Variants in TRIQK observed in about 807,000 individuals in gnomAD.
TRIQK encodes triple QxxK/R motif-containing protein.
Under a neutral mutation model 10.8 loss-of-function variants are expected in TRIQK, and 10 were observed. The observed-to-expected ratio is 0.92, with a 90% confidence interval of 0.57 to 1.57. TRIQK has a LOEUF of 1.57. Ranked by LOEUF, TRIQK falls within the 40% of genes most tolerant of loss-of-function variation. The pLI is 0.00. For synonymous variants in TRIQK, 33 were observed against 33.7 expected (o/e 0.98, Z 0.07); for missense variants, 107 against 97.7 (o/e 1.09, Z -0.40).
chr8:92,916,928 C>G lies in TRIQK; in HGVS notation c.61+1G>C. ...TGTATCAAAGATAATTCATTGCTTACCAATTTGTTTTCTGTACTGATCAAC... is the reference window on the plus strand; with the variant it reads ...TGTATCAAAGATAATTCATTGCTTAGCAATTTGTTTTCTGTACTGATCAAC... On this transcript the variant is annotated splice_donor_variant, in intron 3 of 4. Coordinates refer to ENST00000521988, the MANE Select transcript of TRIQK (RefSeq NM_001171797.2). LOFTEE classifies it high-confidence loss of function. 4 of 1,464,382 alleles carry G rather than the reference C, an allele frequency of 2.7e-6. No homozygotes were observed. The highest frequency in any genetic ancestry group is 3.6e-6 in the Non-Finnish European group (4 of 1,113,090). 90.7% of individuals were successfully genotyped at this position (1,464,382 alleles called of 1,614,324 possible).
chr8:92,930,186 T>C (rs1810639156), intron 2 of TRIQK, among the ~76,000 whole-genome samples: 1 of 151,258 alleles, frequency 6.6e-6, no homozygotes, highest in Non-Finnish European at 1.5e-5. Flanking sequence ...GATATCAGCC[T>C]GGCTAACATG....
chr8:93,002,043 T>C (rs1813216096), intron 1 of TRIQK, among the ~76,000 whole-genome samples: 1 of 151,656 alleles, frequency 6.6e-6, no homozygotes, highest in African/African-American at 2.4e-5. Context: ...AATGAAGAAA[T>C]TCTAAAAAAA....
rs761298351 is a variant in TRIQK, at chr8:92,958,331, G to A, written c.-180-3767C>T. Among the ~76,000 whole-genome samples, 12 of 151,900 alleles carry A rather than the reference G, an allele frequency of 7.9e-5. 1 individual carries two copies. The South Asian group carries it at 8.3e-4, about 11-fold the overall frequency. ...TCAAGACCCCATTTCAATCAATTAC[G>A]TACTTTCTCTGTACAAGTCACCTAT... On this transcript the variant is annotated intron_variant, in intron 1 of 4. Coordinates refer to ENST00000521988, the MANE Select transcript of TRIQK (RefSeq NM_001171797.2).
chr8:92,947,805 G>A (rs1811634267), intron 2 of TRIQK, among the ~76,000 whole-genome samples: 1 of 151,958 alleles, frequency 6.6e-6, no homozygotes, highest in African/African-American at 2.4e-5. Flanking sequence ...GCAGTCCAGA[G>A]GGTTATACTG....
upstream of TRIQK, among the ~76,000 whole-genome samples, chr8:92,966,403 C>G (rs1018058339): frequency 6.6e-6 from 1 of 152,204 alleles, no homozygotes; most frequent in Non-Finnish European, 1.5e-5. Flanking sequence ...ATCTCACACA[C>G]ACACACTCCC....
intron 1 of TRIQK, among the ~76,000 whole-genome samples, chr8:92,961,406 C>CAG (rs910574263): frequency 1.8e-4 from 27 of 152,152 alleles, no homozygotes; most frequent in African/African-American, 6.5e-4. Flanking sequence ...CTCCTCTGCC[C>CAG]AGAGAGATTC....
chr8:92,924,577 T>C (rs938812321), intron 2 of TRIQK, among the ~76,000 whole-genome samples: 1 of 152,110 alleles, frequency 6.6e-6, no homozygotes, highest in Non-Finnish European at 1.5e-5. Flanking sequence ...ATTCAGATCT[T>C]GCCTAACAGG....
intron 1 of TRIQK, chr8:92,963,974 A>G (rs1812593419): frequency 6.6e-6 from 1 of 152,176 alleles, no homozygotes; most frequent in Non-Finnish European, 1.5e-5. Context: ...ATACCAGAAT[A>G]TGCTTTAAGA....
intron 2 of TRIQK, among the ~76,000 whole-genome samples, chr8:92,950,136 T>C (rs1047353077): frequency 6.6e-6 from 1 of 152,186 alleles, no homozygotes; most frequent in Non-Finnish European, 1.5e-5. Flanking sequence ...ATGTATGCTA[T>C]CTTATTGTTC....
At chr8:92,915,111 GAA>G (rs2130445493) in intron 3 of TRIQK, among the ~76,000 whole-genome samples, 1 of 152,214 alleles carries the variant, frequency 6.6e-6, no homozygotes, top group South Asian at 2.1e-4. Flanking sequence ...GACAAAGAAA[GAA>G]AAATACTGCA....
At chr8:92,993,061 G>A (rs1481168419) in intron 1 of TRIQK, among the ~76,000 whole-genome samples, 1 of 152,126 alleles carries the variant, frequency 6.6e-6, no homozygotes, top group African/African-American at 2.4e-5. Flanking sequence ...CTGAATTCTA[G>A]GATCTTCTAA....
chr8:92,970,997 T>C (rs1035388227), upstream of TRIQK, among the ~76,000 whole-genome samples: 1 of 152,194 alleles, frequency 6.6e-6, no homozygotes, highest in Non-Finnish European at 1.5e-5. Flanking sequence ...GGGGTCTAGT[T>C]TCAGTTTTCT....
At chr8:92,931,566 A>G (rs1563642278) in intron 2 of TRIQK, among the ~76,000 whole-genome samples, 1 of 152,234 alleles carries the variant, frequency 6.6e-6, no homozygotes, top group Non-Finnish European at 1.5e-5. Flanking sequence ...AAAATGGATC[A>G]TAACAGAACA....
At chr8:92,931,421 A>G (rs1370742532) in intron 2 of TRIQK, among the ~76,000 whole-genome samples, 1 of 152,096 alleles carries the variant, frequency 6.6e-6, no homozygotes, top group African/African-American at 2.4e-5. Context: ...TGTCAATCTA[A>G]GAGGGGGCTT....
At chr8:92,917,141 T>C in intron 2 of TRIQK, 131 bp from the exon 3 acceptor site, 1 of 423,516 alleles carries the variant, frequency 2.4e-6, no homozygotes, top group Non-Finnish European at 4.0e-6. Context: ...CCATTAAATA[T>C]TCATAAAGAA....
intron 1 of TRIQK, among the ~76,000 whole-genome samples, chr8:92,981,485 T>C (rs279988): frequency 0.14 from 21,189 of 151,892 alleles, 1,774 homozygotes; most frequent in East Asian, 0.31. Flanking sequence ...TTTCTCACTA[T>C]GATTGTGGAT....
intron 1 of TRIQK, among the ~76,000 whole-genome samples, chr8:93,010,129 A>G (rs1444616709): frequency 6.6e-6 from 1 of 152,170 alleles, no homozygotes; most frequent in East Asian, 1.9e-4. Context: ...GGGATGGGGA[A>G]TGAGGAGAGA....
chr8:92,945,411 C>G (rs1184815930), intron 2 of TRIQK, among the ~76,000 whole-genome samples: 1 of 152,214 alleles, frequency 6.6e-6, no homozygotes, highest in Admixed American at 6.5e-5. Context: ...CAACAATTGC[C>G]TACTGGGGTC....
upstream of TRIQK, among the ~76,000 whole-genome samples, chr8:92,968,133 T>C (rs1812835728): frequency 6.6e-6 from 1 of 152,166 alleles, no homozygotes; most frequent in Admixed American, 6.5e-5. Flanking sequence ...TCTAGCAAAT[T>C]GAAATATAAT....
Sources: gnomAD v4.1 joint callset for allele counts (sites outside exome capture counted in the v4.1 genomes callset) on GRCh38, gnomAD v4.1.1 for gene constraint, MANE v1.5 for transcripts, NCBI Gene and HGNC (gene_info 2026-07-23, HGNC 2026-07-21) for gene names.